The following ZNF285 variants were observed in gnomAD, a reference collection of about 807,000 sequenced individuals.
ZNF285 encodes zinc finger protein 285A.
ZNF285 carries 4 observed loss-of-function variants against 6.2 expected under a neutral mutation model. That is an observed-to-expected ratio of 0.65 (90% CI 0.32 to 1.49). ZNF285 has a LOEUF of 1.49. ZNF285 is among the 40% of genes most tolerant of loss of function. The pLI, the probability that ZNF285 is intolerant of heterozygous loss-of-function variation, is 0.07. For missense variants in ZNF285, 695 were observed against 708.8 expected (o/e 0.98, Z 0.22); for synonymous variants, 240 against 245.8 (o/e 0.98, Z 0.22).
At chr19:44,391,245 G>A (rs1358825543) in intron 3 of ZNF285, among the ~76,000 whole-genome samples, 2 of 151,900 alleles carry the variant, frequency 1.3e-5, no homozygotes, top group Non-Finnish European at 2.9e-5. Context: ...ATGATTGTGA[G>A]GCCTCCCCAG....
In ZNF285 at chr19:44,387,531, C is replaced by G; in HGVS notation, c.714G>C (p.Gly238=). 6.2e-7 allele frequency: 1 copy of G among 1,613,902 alleles called. No homozygotes were observed. The highest frequency in any genetic ancestry group is 8.5e-7 in the Non-Finnish European group (1 of 1,179,858). Residue 238 remains glycine (G), a synonymous_variant, in exon 4 of 4, where the codon GGG becomes GGC. Transcript: ENST00000614994. ...GATCTGTATCATCTGCAAAGGCCAC[C>G]CCACAGTTATTACATGGGAAAGGCT... is the stretch of plus-strand genomic sequence containing the variant. ...LPQPFPCNNC[G]VAFADDTDPH...
chr19:44,395,163 AC>A lies in ZNF285; in HGVS notation c.15+2035del, dbSNP rs1314297421. 1.9e-3 allele frequency among the ~76,000 whole-genome samples: 289 copies of A among 152,290 alleles called. 2 individuals carry two copies. Among genetic ancestry groups the A allele is most frequent in the African/African-American group, 6.7e-3 (278 of 41,526 alleles). ...AAGGACAGCCCCAAAATATTAAGAA[AC>A]CAAATTTATAAATGAATAAACACAT... is the stretch of plus-strand genomic sequence containing the variant. On this transcript the variant is annotated intron_variant, in intron 2 of 3. Transcript: ENST00000614994.
rs1971125841 is a variant in ZNF285 at position 44,387,975 on chromosome 19, A to G, written c.270T>C (p.Tyr90=). 2 of 1,614,214 alleles carry G rather than the reference A, an allele frequency of 1.2e-6. No homozygotes were observed. Among genetic ancestry groups the G allele is most frequent in the Non-Finnish European group, 1.7e-6 (2 of 1,180,026 alleles). The change falls in exon 4 of 4, where the codon TAT becomes TAC. Residue 90 remains tyrosine, a synonymous_variant. Coordinates refer to ENST00000614994, the MANE Select transcript of ZNF285 (RefSeq NM_152354.6). ...AACACTCTTCTTGAAGGTTCACGAT[A>G]TAATCCTGACTCACAGTTAAATCCC... ...RIRDLTVSQD[Y]IVNLQEECSP...
At chr19:44,394,655 G>T in intron 2 of ZNF285, 1 of 443,392 alleles carries the variant, frequency 2.3e-6, no homozygotes. Context: ...ATATCGCACT[G>T]CTCAGAGTTA....
intron 3 of ZNF285, among the ~76,000 whole-genome samples, chr19:44,391,941 G>A (rs576777621): frequency 1.5e-4 from 23 of 152,006 alleles, no homozygotes; most frequent in Admixed American, 2.6e-4. Flanking sequence ...CTTTAACACC[G>A]GTTTATCCAA....
rs780317759 is a variant in ZNF285 at position 44,387,062 on chromosome 19, T to C, written c.1183A>G (p.Thr395Ala). Residue 395 changes from threonine (T) to alanine (A), a missense_variant, in exon 4 of 4, where the codon ACT becomes GCT. Transcript: ENST00000614994. Reference protein sequence around the residue: ...SNLLVHQRVHTGEKPYKCSEC... With the variant: ...SNLLVHQRVHAGEKPYKCSEC... Reference sequence around the variant, plus strand: ...CTGCATTTGTAGGGCTTCTCTCCAGTGTGGACTCTCTGATGGACAAGAAGG... The same window carrying C: ...CTGCATTTGTAGGGCTTCTCTCCAGCGTGGACTCTCTGATGGACAAGAAGG... 407 of 1,612,510 alleles carry C rather than the reference T, an allele frequency of 2.5e-4. 2 individuals carry two copies. The highest frequency in any genetic ancestry group is 2.2e-3 in the South Asian group (197 of 91,082).
intron 2 of ZNF285, among the ~76,000 whole-genome samples, chr19:44,394,185 C>T (rs1387830148): frequency 6.6e-6 from 1 of 151,956 alleles, no homozygotes; most frequent in Non-Finnish European, 1.5e-5. Context: ...ACCACATGTT[C>T]TCACTCATAG....
At position 44,388,008 on chromosome 19, in the gene ZNF285, T is replaced by C. The variant is rs1971126972; in HGVS notation, c.237A>G (p.Gln79=). ...GACTCACAGTTAAATCCCGGATCCT[T>C]TGTTTCCAAATCTGCCAGCAATGAA... is the stretch of plus-strand genomic sequence containing the variant. ...EVLHCWQIWK[Q]RIRDLTVSQD... The change falls in exon 4 of 4, where the codon CAA becomes CAG. Residue 79 remains glutamine (Q), a synonymous_variant. Transcript: ENST00000614994. 1 of 1,614,040 alleles carries C rather than the reference T, an allele frequency of 6.2e-7. No homozygotes were observed. The highest frequency in any genetic ancestry group is 1.3e-5 in the African/African-American group (1 of 74,936).
At position 44,382,984 on chromosome 19, in the gene ZNF285, C is replaced by G. The variant is rs1398675301; in HGVS notation, c.*3488G>C. ...ACCTAGGCATCCCAAAGGGAACTCC[C>G]AGAATTACCTTTGGACAATTCTGGT... On this transcript the variant is annotated 3_prime_UTR_variant, in exon 4 of 4. Coordinates refer to ENST00000614994, the MANE Select transcript of ZNF285 (RefSeq NM_152354.6). 1 of 152,142 alleles carries G rather than the reference C, an allele frequency of 6.6e-6. No homozygotes were observed. The highest frequency in any genetic ancestry group is 6.5e-5 in the Admixed American group (1 of 15,274). The allele number at this position is 152,142 out of a possible 1,614,324, so 9.4% of individuals were successfully genotyped here.
At chr19:44,395,806 G>A (rs1971271049) in intron 2 of ZNF285, among the ~76,000 whole-genome samples, 2 of 152,070 alleles carry the variant, frequency 1.3e-5, no homozygotes, top group African/African-American at 4.8e-5. Context: ...TTCTAAACCT[G>A]GGCCTTGACA....
Position 44,386,534 on chromosome 19 carries a change from AGTGT to A in ZNF285, c.1707_1710del (p.His570ValfsTer8), listed in dbSNP as rs769035968. 5 of 1,614,076 alleles carry A rather than the reference AGTGT, an allele frequency of 3.1e-6. No individual in the cohort carries two copies. The East Asian group carries it at 1.1e-4, about 36-fold the overall frequency. On this transcript the variant is annotated frameshift_variant, in exon 4 of 4. Coordinates refer to ENST00000614994, the MANE Select transcript of ZNF285 (RefSeq NM_152354.6). LOFTEE classifies it low-confidence loss of function (END_TRUNC). The stretch of plus-strand genomic sequence containing the variant: ...GTCAGAAGGTCCTTTCCACGCTCAC[AGTGT>A]GTGTACTGTGTCTCATCTATATGCA...
Position 44,387,076 on chromosome 19 carries a change from T to C in ZNF285, c.1169A>G (p.His390Arg). The C allele has an allele frequency of 3.1e-6, 5 of 1,614,176 alleles. No individual in the cohort carries two copies. Among genetic ancestry groups the C allele is most frequent in the South Asian group, 1.1e-5 (1 of 91,090 alleles). ...CTTCTCTCCAGTGTGGACTCTCTGA[T>C]GGACAAGAAGGTTGGAGCTCTGATC... Reference protein sequence around the residue: ...GFDQSSNLLVHQRVHTGEKPY... With the variant: ...GFDQSSNLLVRQRVHTGEKPY... The change falls in exon 4 of 4, where the codon CAT becomes CGT. Residue 390 changes from histidine to arginine, a missense_variant. His to Arg is a conservative substitution (Grantham distance 29, BLOSUM62 0). Transcript: ENST00000614994.
chr19:44,391,054 T>C (rs1971186211), intron 3 of ZNF285, among the ~76,000 whole-genome samples: 1 of 151,232 alleles, frequency 6.6e-6, no homozygotes, highest in South Asian at 2.1e-4. Flanking sequence ...CTTGGGAGGC[T>C]GAGGCAGGAG....
Position 44,387,551 on chromosome 19 carries a change from A to G in ZNF285, c.694T>C (p.Phe232Leu). 6.2e-7 allele frequency: 1 copy of G among 1,613,952 alleles called. No individual in the cohort carries two copies. Among genetic ancestry groups the G allele is most frequent in the Non-Finnish European group, 8.5e-7 (1 of 1,179,848 alleles). The change falls in exon 4 of 4, where the codon TTC (phenylalanine) becomes CTC (leucine). Residue 232 changes from phenylalanine to leucine, a missense_variant. Transcript: ENST00000614994. Reference sequence around the variant, plus strand: ...GCCACCCCACAGTTATTACATGGGAAAGGCTGTGGTAATACATGGGCCGCA... The same window carrying G: ...GCCACCCCACAGTTATTACATGGGAGAGGCTGTGGTAATACATGGGCCGCA... Reference protein sequence around the residue: ...RNAAHVLPQPFPCNNCGVAFA... With the variant: ...RNAAHVLPQPLPCNNCGVAFA...
At position 44,387,256 on chromosome 19, in the gene ZNF285, G is replaced by C; in HGVS notation, c.989C>G (p.Ser330Cys). Residue 330 changes from serine (S) to cysteine (C), a missense_variant, in exon 4 of 4, where the codon TCC (serine) becomes TGC (cysteine). Transcript: ENST00000614994. ...GTGGACTCGATGATGGTTGTGAAGG[G>C]AAGAGCTGCGCCTGAAGCCCTTGCC... ...ECGKGFRRSSSLHNHHRVHTG... is the reference protein window; with the variant it reads ...ECGKGFRRSSCLHNHHRVHTG... 2.5e-6 allele frequency: 4 copies of C among 1,614,060 alleles called. No individual in the cohort carries two copies. The highest frequency in any genetic ancestry group is 2.5e-6 in the Non-Finnish European group (3 of 1,179,978).
Position 44,386,270 on chromosome 19 carries a change from A to G in ZNF285, c.*202T>C. ...AAAGTAACCTCTTTGCCATTGTAGCATACAGCAGTTGATGGGAGCTTCACA... is the reference window on the plus strand; with the variant it reads ...AAAGTAACCTCTTTGCCATTGTAGCGTACAGCAGTTGATGGGAGCTTCACA... On this transcript the variant is annotated 3_prime_UTR_variant, in exon 4 of 4. Transcript: ENST00000614994. 1 of 584,636 alleles carries G rather than the reference A, an allele frequency of 1.7e-6. No individual in the cohort carries two copies. The highest frequency in any genetic ancestry group is 3.0e-6 in the Non-Finnish European group (1 of 338,900). The allele number at this position is 584,636 out of a possible 1,614,324, so 36.2% of individuals were successfully genotyped here.
rs1971099423 is a variant in ZNF285, at chr19:44,387,181, A to T, written c.1064T>A (p.Phe355Tyr). 6 of 1,610,764 alleles carry T rather than the reference A, an allele frequency of 3.7e-6. No individual in the cohort carries two copies. The East Asian group carries it at 1.3e-4, about 36-fold the overall frequency. Residue 355 changes from phenylalanine to tyrosine, a missense_variant, in exon 4 of 4, where the codon TTT becomes TAT. Phe to Tyr is a conservative substitution (Grantham distance 22, BLOSUM62 3). Transcript: ENST00000614994. ...CTGATGAATACAAAGAAGTGACCTAAATCCAAACCCTTTCCCACATTCATC... is the reference window on the plus strand; with the variant it reads ...CTGATGAATACAAAGAAGTGACCTATATCCAAACCCTTTCCCACATTCATC... ...KCDECGKGFG[F>Y]RSLLCIHQGV...
intron 2 of ZNF285, 167 bp from the exon 3 acceptor site, chr19:44,392,633 G>A (rs1224122494): frequency 7.5e-7 from 1 of 1,332,892 alleles, no homozygotes; most frequent in Non-Finnish European, 1.0e-6. Flanking sequence ...CACCAAGATA[G>A]GTTTCATTCA....
chr19:44,388,620 A>T (rs560655957), intron 3 of ZNF285, among the ~76,000 whole-genome samples: 17 of 151,960 alleles, frequency 1.1e-4, no homozygotes, highest in African/African-American at 3.9e-4. Context: ...AAATTTTATG[A>T]AGGAAGAAAT....
Sources: gnomAD v4.1 joint callset for allele counts (sites outside exome capture counted in the v4.1 genomes callset) on GRCh38, gnomAD v4.1.1 for gene constraint, MANE v1.5 for transcripts, NCBI Gene and HGNC (gene_info 2026-07-23, HGNC 2026-07-21) for gene names.